Variants in PLB1 observed in about 807,000 individuals in gnomAD.
PLB1 encodes phospholipase B1.
PLB1 carries 242 observed loss-of-function variants against 227.4 expected under a neutral mutation model. That is an observed-to-expected ratio of 1.06 (90% confidence interval 0.96 to 1.18). The LOEUF is 1.18. Among genes scored for constraint, PLB1 ranks in the 50% most tolerant of loss-of-function variants. The probability of loss-of-function intolerance (pLI) is 0.00; values close to 1 mark genes in which losing one functional copy is unlikely to be tolerated. For missense variants in PLB1, 1,858 were observed against 1,816.3 expected (o/e 1.02, Z -0.42); for synonymous variants, 757 against 682.2 (o/e 1.11, Z -1.71).
intron 13 of PLB1, 133 bp from the exon 14 acceptor site, chr2:28,543,079 A>C: frequency 1.1e-6 from 1 of 871,460 alleles, no homozygotes; most frequent in Non-Finnish European, 1.7e-6. Context: ...GTTATTGATG[A>C]GGGGCTGAGA....
At chr2:28,532,325 G>A in intron 9 of PLB1, 131 bp downstream of exon 9, 1 of 524,550 alleles carries the variant, frequency 1.9e-6, no homozygotes, top group Non-Finnish European at 3.4e-6. Context: ...AACATGGATG[G>A]ATGGATGGAT....
chr2:28,548,838 T>A, intron 14 of PLB1, 22 bp from the exon 15 acceptor site: 1 of 1,613,820 alleles, frequency 6.2e-7, no homozygotes, highest in Non-Finnish European at 8.5e-7. Context: ...TTCCCTGTTC[T>A]AAAGCCCACG....
At position 28,558,690 on chromosome 2, in the gene PLB1, T is replaced by G. The variant is rs542861842; in HGVS notation, c.1148-4351T>G. Among the ~76,000 whole-genome samples the G allele has an allele frequency of 1.5e-4, 22 of 145,718 alleles. No homozygotes were observed. In the South Asian group the frequency reaches 4.6e-3, roughly 30 times the overall value. ...GTGCATATGTGCATGGTGCATGTGT[T>G]CATGGTGTGTGTGTATGTGTGTGTG... On this transcript the variant is annotated intron_variant, in intron 17 of 57. Coordinates refer to ENST00000327757, the MANE Select transcript of PLB1 (RefSeq NM_153021.5).
At chr2:28,581,497 ATAAATAAAT>A (rs767907448) in intron 23 of PLB1, among the ~76,000 whole-genome samples, 5,608 of 104,864 alleles carry the variant, frequency 0.053, 348 homozygotes, top group African/African-American at 0.13. Flanking sequence ...AAATAAATAA[ATAAATAAAT>A]AAATAAATAA....
intron 53 of PLB1, 81 bp from the exon 54 acceptor site, chr2:28,630,505 C>G (rs986636154): frequency 1.7e-5 from 22 of 1,276,220 alleles, no homozygotes; most frequent in Non-Finnish European, 2.4e-5. Context: ...GTGGCCTGCT[C>G]TGTGTGTCAG....
At chr2:28,541,061 C>T (rs1672408586) in intron 12 of PLB1, among the ~76,000 whole-genome samples, 1 of 152,110 alleles carries the variant, frequency 6.6e-6, no homozygotes, top group Non-Finnish European at 1.5e-5. Flanking sequence ...GTCCCACCTA[C>T]TCAGGAGGCT....
In PLB1 at chr2:28,532,207, C is replaced by G; in HGVS notation, c.555+13C>G. 1 of 1,598,218 alleles carries G rather than the reference C, an allele frequency of 6.3e-7. No homozygotes were observed. The highest frequency in any genetic ancestry group is 8.6e-7 in the Non-Finnish European group (1 of 1,168,058). On this transcript the variant is annotated intron_variant, in intron 9 of 57. Transcript: ENST00000327757. ...CTCTGCTCAACAGGTAAATGGCAGCCTTGGGGACCAAGGGATTACAGATGC... is the reference window on the plus strand; with the variant it reads ...CTCTGCTCAACAGGTAAATGGCAGCGTTGGGGACCAAGGGATTACAGATGC...
chr2:28,557,158 TC>T (rs1316235416), intron 17 of PLB1, among the ~76,000 whole-genome samples: 1 of 151,902 alleles, frequency 6.6e-6, no homozygotes, highest in Admixed American at 6.6e-5. Flanking sequence ...GAGTTCAAAC[TC>T]CCCCAAGACA....
chr2:28,582,501 C>A lies in PLB1; in HGVS notation c.1729C>A (p.Leu577Ile). 6.2e-7 allele frequency: 1 copy of A among 1,601,980 alleles called. No homozygotes were observed. Among genetic ancestry groups the A allele is most frequent in the Non-Finnish European group, 8.5e-7 (1 of 1,172,776 alleles). The stretch of plus-strand genomic sequence containing the variant: ...AAAAGTCTACTGCCCAAGGATGATC[C>A]TCAGGTCAGACAGATACTTCTCCCC... Reference protein sequence around the residue: ...EKKVYCPRMILRSLCPCVLKF... With the variant: ...EKKVYCPRMIIRSLCPCVLKF... The change falls in exon 25 of 58, where the codon CTC (leucine) becomes ATC (isoleucine). Residue 577 changes from leucine (L) to isoleucine (I), a missense_variant. Leu to Ile is a conservative substitution (Grantham distance 5). Coordinates refer to ENST00000327757, the MANE Select transcript of PLB1 (RefSeq NM_153021.5).
rs751384239 is a variant in PLB1, at chr2:28,620,875, A to G, written c.3428-4A>G. On this transcript the variant is annotated splice_region_variant and splice_polypyrimidine_tract_variant and intron_variant, in intron 48 of 57. Coordinates refer to ENST00000327757, the MANE Select transcript of PLB1 (RefSeq NM_153021.5). Reference sequence around the variant, plus strand: ...GCTCTTCTCCTCCTCCTCCTCCTCTAAAGACATTCTGAAGAAGTTCAACCC... The same window carrying G: ...GCTCTTCTCCTCCTCCTCCTCCTCTGAAGACATTCTGAAGAAGTTCAACCC... 5 of 1,612,280 alleles carry G rather than the reference A, an allele frequency of 3.1e-6. No individual in the cohort carries two copies. The highest frequency in any genetic ancestry group is 2.2e-5 in the South Asian group (2 of 91,052).
In PLB1 at chr2:28,602,744, C is replaced by A; in HGVS notation, c.2674-77C>A. Reference sequence around the variant, plus strand: ...AGACCAAGCTGGATTGCTAAAGGAACCCATTCCTAGGGGCCCTGAGACAGC... The same window carrying A: ...AGACCAAGCTGGATTGCTAAAGGAAACCATTCCTAGGGGCCCTGAGACAGC... On this transcript the variant is annotated intron_variant, in intron 38 of 57. Coordinates refer to ENST00000327757, the MANE Select transcript of PLB1 (RefSeq NM_153021.5). 2.3e-6 allele frequency: 3 copies of A among 1,308,020 alleles called. No homozygotes were observed. The African/African-American group carries it at 4.4e-5, about 19-fold the overall frequency. The allele number at this position is 1,308,020 out of a possible 1,614,324, so 81.0% of individuals were successfully genotyped here.
intron 9 of PLB1, among the ~76,000 whole-genome samples, chr2:28,533,640 T>G (rs1399886326): frequency 6.6e-6 from 1 of 152,264 alleles, no homozygotes; most frequent in African/African-American, 2.4e-5. Context: ...TAAATTCATT[T>G]TCTCATCTTA....
Position 28,629,086 on chromosome 2 carries a change from C to A in PLB1, c.3727-8C>A. The A allele has an allele frequency of 6.2e-7, 1 of 1,612,552 alleles. No homozygotes were observed. The highest frequency in any genetic ancestry group is 1.3e-5 in the African/African-American group (1 of 75,014). On this transcript the variant is annotated splice_region_variant and splice_polypyrimidine_tract_variant and intron_variant, in intron 52 of 57. Transcript: ENST00000327757. ...TGCCCTAACGAAACCACCCTCCACT[C>A]CCTGCAGCTCCCAAGGGCTTTCGTC...
intron 30 of PLB1, 81 bp downstream of exon 30, chr2:28,591,252 G>A (rs1681872839): frequency 1.3e-6 from 2 of 1,570,702 alleles, no homozygotes; most frequent in Non-Finnish European, 1.8e-6. Context: ...AACAGGACAG[G>A]GTGGGAAAGC....
intron 17 of PLB1, among the ~76,000 whole-genome samples, chr2:28,559,169 A>C (rs969405337): frequency 3.2e-4 from 49 of 152,242 alleles, no homozygotes; most frequent in Non-Finnish European, 6.8e-4. Context: ...GACTGCAGTC[A>C]ATGGCTTTGA....
intron 17 of PLB1, among the ~76,000 whole-genome samples, chr2:28,554,763 C>T (rs1184169948): frequency 1.3e-5 from 2 of 152,070 alleles, no homozygotes; most frequent in Admixed American, 6.5e-5. Flanking sequence ...AAAGTGATAA[C>T]CAGCCAATCT....
intron 2 of PLB1, among the ~76,000 whole-genome samples, chr2:28,517,474 G>A (rs1216613988): frequency 1.3e-5 from 2 of 152,194 alleles, no homozygotes; most frequent in African/African-American, 4.8e-5. Flanking sequence ...TTGAGGACCT[G>A]AGTACTGGTC....
chr2:28,567,689 G>A (rs1054464172), intron 20 of PLB1, among the ~76,000 whole-genome samples: 4 of 152,016 alleles, frequency 2.6e-5, no homozygotes, highest in Non-Finnish European at 4.4e-5. Context: ...GGCCAGGATG[G>A]TCTCGATTTC....
chr2:28,555,943 A>G (rs1055825937), intron 17 of PLB1, among the ~76,000 whole-genome samples: 1 of 138,726 alleles, frequency 7.2e-6, no homozygotes, highest in African/African-American at 2.7e-5. Flanking sequence ...ATCTCACCTC[A>G]CTGCAGCCTT....
Sources: gnomAD v4.1 joint callset for allele counts (sites outside exome capture counted in the v4.1 genomes callset) on GRCh38, gnomAD v4.1.1 for gene constraint, MANE v1.5 for transcripts, NCBI Gene and HGNC (gene_info 2026-07-23, HGNC 2026-07-21) for gene names.